HTR2C: variants seen among roughly 807,000 people sequenced by gnomAD.
HTR2C encodes the protein 5-hydroxytryptamine (serotonin) receptor 2C, G protein-coupled.
HTR2C carries 5 observed loss-of-function variants against 21.0 expected under a neutral mutation model. The ratio of observed to expected loss-of-function variants is 0.24; its 90% CI spans 0.12 to 0.50. The LOEUF (loss-of-function observed/expected upper bound fraction) is 0.50. HTR2C is among the 20% of genes least tolerant of loss of function. HTR2C has a pLI of 0.98. For missense variants in HTR2C, 271 were observed against 371.2 expected (o/e 0.73, Z 2.22); for synonymous variants, 150 against 145.3 (o/e 1.03, Z -0.23).
chrX:114,807,155 A>ATG (rs1304671426), intron 4 of HTR2C, among the ~76,000 whole-genome samples: 887 of 43,655 alleles, frequency 0.02, 400 homozygotes, highest in Admixed American at 0.036. Context: ...TATATACACC[A>ATG]TATATATACC....
At chrX:114,664,859 C>A (rs1381932852) in intron 2 of HTR2C, among the ~76,000 whole-genome samples, 4 of 112,101 alleles carry the variant, frequency 3.6e-5, no homozygotes, top group African/African-American at 9.7e-5. Context: ...TATCCAAGTG[C>A]TTCAAGCTGT....
rs1429895494 is a variant in HTR2C, at chrX:114,821,619, T to C, written c.350-26384T>C. On this transcript the variant is annotated intron_variant, in intron 4 of 5. Coordinates refer to ENST00000276198, the MANE Select transcript of HTR2C (RefSeq NM_000868.4). ...TAATGATTAATTACTTGGCCATGAA[T>C]AAGCCATACATTATTTAGATGTATA... Among the ~76,000 whole-genome samples the C allele has an allele frequency of 3.6e-5, 4 of 111,691 alleles. No individual in the cohort carries two copies. In the Admixed American group the frequency reaches 3.8e-4, roughly 11 times the overall value.
intron 2 of HTR2C, among the ~76,000 whole-genome samples, chrX:114,702,940 A>G (rs1173558418): frequency 1.8e-4 from 17 of 92,326 alleles, no homozygotes; most frequent in Non-Finnish European, 3.7e-4. Flanking sequence ...CTTTAAACCA[A>G]CAAAGATAAA....
intron 3 of HTR2C, 40 bp from the exon 4 acceptor site, chrX:114,731,254 T>C: frequency 1.0e-6 from 1 of 1,001,197 alleles, no homozygotes; most frequent in Non-Finnish European, 1.4e-6. Context: ...ATAAGTAATA[T>C]AATATGTACC....
intron 4 of HTR2C, among the ~76,000 whole-genome samples, chrX:114,819,450 T>C (rs2070612780): frequency 8.9e-6 from 1 of 112,416 alleles, no homozygotes. Context: ...TAAACATACA[T>C]ATTCAGCAGA....
intron 2 of HTR2C, among the ~76,000 whole-genome samples, chrX:114,724,982 CA>C (rs781911342): frequency 9.1e-6 from 1 of 110,405 alleles, no homozygotes; most frequent in Non-Finnish European, 1.9e-5. Flanking sequence ...GTGAATCTGA[CA>C]AGTGTGTGTC....
rs1427782541 is a variant in HTR2C at position 114,612,780 on chromosome X, C to T, written c.-146-1035C>T. Among the ~76,000 whole-genome samples, 3 of 111,170 alleles carry T rather than the reference C, an allele frequency of 2.7e-5. No individual in the cohort carries two copies. The East Asian group carries it at 8.5e-4, about 31-fold the overall frequency. On this transcript the variant is annotated intron_variant, in intron 1 of 5. Transcript: ENST00000276198. Reference sequence around the variant, plus strand: ...CTGCTATAGGAATGGGGTCCGGATCCAGACCCCAAGAGAGGGTTCTTGGAT... The same window carrying T: ...CTGCTATAGGAATGGGGTCCGGATCTAGACCCCAAGAGAGGGTTCTTGGAT...
At chrX:114,630,666 A>G (rs782292216) in intron 2 of HTR2C, 2 of 139,801 alleles carry the variant, frequency 1.4e-5, no homozygotes, top group African/African-American at 6.2e-5. Flanking sequence ...AAGTTGACCT[A>G]CGTTTGCAGT....
At position 114,679,682 on chromosome X, in the gene HTR2C, T is replaced by C. The variant is rs782203582; in HGVS notation, c.-79-47176T>C. Among the ~76,000 whole-genome samples, 8 of 111,777 alleles carry C rather than the reference T, an allele frequency of 7.2e-5. No individual in the cohort carries two copies. In the East Asian group the frequency reaches 2.2e-3, roughly 31 times the overall value. On this transcript the variant is annotated intron_variant, in intron 2 of 5. Coordinates refer to ENST00000276198, the MANE Select transcript of HTR2C (RefSeq NM_000868.4). Reference sequence around the variant, plus strand: ...CTCCATGAAATAAGCCATTTCATACTCACAACTCTATTACTAAACCTAATA... The same window carrying C: ...CTCCATGAAATAAGCCATTTCATACCCACAACTCTATTACTAAACCTAATA...
At chrX:114,803,725 T>C (rs2070375355) in intron 4 of HTR2C, among the ~76,000 whole-genome samples, 1 of 105,794 alleles carries the variant, frequency 9.5e-6, no homozygotes, top group Non-Finnish European at 1.9e-5. Context: ...GTGCAGAAGC[T>C]CTTCAGTTTA....
intron 4 of HTR2C, among the ~76,000 whole-genome samples, chrX:114,737,944 C>T (rs960519422): frequency 1.8e-5 from 2 of 112,437 alleles, no homozygotes; most frequent in East Asian, 5.6e-4. Context: ...AACTTTGATA[C>T]ATAAACCAGG....
At chrX:114,678,270 G>GGCACACACAC (rs1270309369) in intron 2 of HTR2C, among the ~76,000 whole-genome samples, 1 of 100,196 alleles carries the variant, frequency 1.0e-5, no homozygotes, top group Non-Finnish European at 2.0e-5. Flanking sequence ...CTCTCTGTCT[G>GGCACACACAC]ACACACACAC....
intron 2 of HTR2C, among the ~76,000 whole-genome samples, chrX:114,647,702 T>C (rs1424250654): frequency 1.8e-5 from 2 of 112,605 alleles, no homozygotes; most frequent in African/African-American, 6.4e-5. Flanking sequence ...GCATGAGGTA[T>C]ACAAGTAAGC....
intron 5 of HTR2C, among the ~76,000 whole-genome samples, chrX:114,852,903 G>T (rs1172694558): frequency 9.0e-6 from 1 of 110,599 alleles, no homozygotes; most frequent in Non-Finnish European, 1.9e-5. Context: ...ATAAATTCTT[G>T]CTCAAATGTA....
chrX:114,621,190 G>A (rs1439443370), intron 2 of HTR2C, among the ~76,000 whole-genome samples: 2 of 112,151 alleles, frequency 1.8e-5, no homozygotes, highest in Non-Finnish European at 3.8e-5. Context: ...CTGAGAGTCT[G>A]CATTTCTAAC....
At chrX:114,690,466 GTTTCTT>G (rs1556414968) in intron 2 of HTR2C, among the ~76,000 whole-genome samples, 1 of 111,438 alleles carries the variant, frequency 9.0e-6, no homozygotes, top group African/African-American at 3.3e-5. Context: ...CCTTCAAGAT[GTTTCTT>G]TTTCAGTATC....
intron 4 of HTR2C, among the ~76,000 whole-genome samples, chrX:114,806,519 CATATATACACCAT>C: frequency 3.2e-5 from 3 of 92,616 alleles, no homozygotes; most frequent in African/African-American, 1.2e-4. Context: ...ATATACACCA[CATATATACACCAT>C]ATATATACCG....
At chrX:114,816,564 C>T (rs914804870) in intron 4 of HTR2C, among the ~76,000 whole-genome samples, 3 of 110,130 alleles carry the variant, frequency 2.7e-5, no homozygotes, top group African/African-American at 9.9e-5. Flanking sequence ...TATAGTTCAT[C>T]CTGGTAGAAG....
chrX:114,763,321 A>G (rs2069901379), intron 4 of HTR2C: 1 of 123,647 alleles, frequency 8.1e-6, no homozygotes, highest in African/African-American at 3.2e-5. Flanking sequence ...GAGTGCTGTC[A>G]CCCGGGGCTG....
Sources: gnomAD v4.1 joint callset for allele counts (sites outside exome capture counted in the v4.1 genomes callset) on GRCh38, gnomAD v4.1.1 for gene constraint, MANE v1.5 for transcripts, NCBI Gene and HGNC (gene_info 2026-07-23, HGNC 2026-07-21) for gene names.